The following STPG2 variants were observed in gnomAD, a reference collection of about 807,000 sequenced individuals.
The protein encoded by STPG2 is sperm-tail PG-rich repeat-containing protein 2.
Under a neutral mutation model 54.2 loss-of-function variants are expected in STPG2, and 56 were observed. The observed-to-expected ratio is 1.03, with a 90% CI of 0.83 to 1.29. The LOEUF (loss-of-function observed/expected upper bound fraction) is 1.29, where lower values mean the gene tolerates loss of function less well. Among genes scored for constraint, STPG2 ranks in the 50% most tolerant of loss-of-function variants. The probability of loss-of-function intolerance (pLI) is 0.00; values close to 1 mark genes in which losing one functional copy is unlikely to be tolerated. For missense variants in STPG2, 596 were observed against 544.9 expected (o/e 1.09, Z -0.93); for synonymous variants, 200 against 181.8 (o/e 1.10, Z -0.81).
rs1731220444 is a variant in STPG2 at position 97,523,349 on chromosome 4, C to T, written c.462+189350G>A. Among the ~76,000 whole-genome samples the T allele has an allele frequency of 2.6e-5, 4 of 151,872 alleles. No homozygotes were observed. In the South Asian group the frequency reaches 8.3e-4, roughly 32 times the overall value. On this transcript the variant is annotated intron_variant, in intron 4 of 4. Transcript: ENST00000522676. The stretch of plus-strand genomic sequence containing the variant: ...AAAAGAGAGGTCATATCTGCACATC[C>T]TAGGGTAGTTACAATGATTAAGTAT...
intron 8 of STPG2, among the ~76,000 whole-genome samples, chr4:97,844,394 G>A (rs1285391386): frequency 1.3e-5 from 2 of 151,952 alleles, no homozygotes; most frequent in African/African-American, 4.8e-5. Context: ...AATGGTAAAA[G>A]ATCCAGACAT....
intron 2 of STPG2, among the ~76,000 whole-genome samples, chr4:98,133,897 G>A (rs1398733374): frequency 1.3e-5 from 2 of 151,972 alleles, no homozygotes; most frequent in Non-Finnish European, 2.9e-5. Flanking sequence ...AAACATGAAT[G>A]AACCATTGAA....
intron 1 of STPG2, among the ~76,000 whole-genome samples, chr4:98,139,451 T>C (rs1740219781): frequency 6.6e-6 from 1 of 152,172 alleles, no homozygotes; most frequent in African/African-American, 2.4e-5. Flanking sequence ...CTACATCTGT[T>C]CTTCTCACAT....
At chr4:97,917,048 C>T (rs1377215630) in intron 8 of STPG2, 2 of 152,668 alleles carry the variant, frequency 1.3e-5, no homozygotes, top group African/African-American at 4.8e-5. Context: ...ATTCTTCAGC[C>T]ATACATTTAA....
intron 8 of STPG2, among the ~76,000 whole-genome samples, chr4:97,849,409 A>C (rs1179745177): frequency 6.6e-6 from 1 of 151,942 alleles, no homozygotes; most frequent in African/African-American, 2.4e-5. Context: ...CAAAAGCCAA[A>C]ATTGACAAAT....
chr4:97,834,741 C>T (rs1728580572), intron 9 of STPG2, among the ~76,000 whole-genome samples: 1 of 152,056 alleles, frequency 6.6e-6, no homozygotes, highest in African/African-American at 2.4e-5. Flanking sequence ...AACCAGTGAT[C>T]TCTGGCTGCT....
chr4:97,758,427 G>C (rs1302539367), intron 9 of STPG2, among the ~76,000 whole-genome samples: 1 of 152,174 alleles, frequency 6.6e-6, no homozygotes, highest in Non-Finnish European at 1.5e-5. Flanking sequence ...ATACACCATG[G>C]AATGCTATGC....
chr4:97,525,847 T>C (rs931725941), intron 4 of STPG2, among the ~76,000 whole-genome samples: 1 of 152,088 alleles, frequency 6.6e-6, no homozygotes, highest in African/African-American at 2.4e-5. Flanking sequence ...ATGAGCTTTT[T>C]TTCATGTTTG....
rs940572632 is a variant in STPG2 at position 97,509,945 on chromosome 4, C to A, written c.462+202754G>T. On this transcript the variant is annotated intron_variant, in intron 4 of 4. Coordinates refer to the STPG2 transcript ENST00000522676. Reference sequence around the variant, plus strand: ...TAAGAACAGAACACTCTACTAAGCACCCCCACCAACCCTCCCACCCCTAAT... The same window carrying A: ...TAAGAACAGAACACTCTACTAAGCAACCCCACCAACCCTCCCACCCCTAAT... 3.3e-5 allele frequency among the ~76,000 whole-genome samples: 5 copies of A among 151,962 alleles called. No homozygotes were observed. In the East Asian group the frequency reaches 5.8e-4, roughly 18 times the overall value.
At chr4:97,677,425 T>A (rs1722885520) in intron 10 of STPG2, among the ~76,000 whole-genome samples, 1 of 152,170 alleles carries the variant, frequency 6.6e-6, no homozygotes, top group Non-Finnish European at 1.5e-5. Context: ...TAAAGCCAGA[T>A]TTAATAGATG....
At position 97,882,703 on chromosome 4, in the gene STPG2, G is replaced by A. The variant is rs187515000; in HGVS notation, c.1045-41771C>T. The stretch of plus-strand genomic sequence containing the variant: ...CAATGAACAGCCACCCAAAACATAA[G>A]GTAATGATGAAAAAACATGAAACTA... On this transcript the variant is annotated intron_variant, in intron 8 of 10. Transcript: ENST00000295268. 7.2e-5 allele frequency among the ~76,000 whole-genome samples: 11 copies of A among 152,096 alleles called. No individual in the cohort carries two copies. In the East Asian group the frequency reaches 2.1e-3, roughly 29 times the overall value.
At chr4:98,103,058 T>C (rs1180830314) in intron 5 of STPG2, among the ~76,000 whole-genome samples, 1 of 151,792 alleles carries the variant, frequency 6.6e-6, no homozygotes, top group East Asian at 1.9e-4. Context: ...TCAATACCTT[T>C]CATTAACTAA....
At chr4:97,849,252 C>A (rs1729070907) in intron 8 of STPG2, among the ~76,000 whole-genome samples, 1 of 151,562 alleles carries the variant, frequency 6.6e-6, no homozygotes, top group Non-Finnish European at 1.5e-5. Context: ...ATTTTATTCT[C>A]TTTGAAGCAA....
intron 8 of STPG2, among the ~76,000 whole-genome samples, chr4:97,869,775 T>C (rs1729914328): frequency 6.6e-6 from 1 of 151,710 alleles, no homozygotes; most frequent in Non-Finnish European, 1.5e-5. Context: ...TAGTATTCAG[T>C]AATTTCCTGA....
At chr4:97,500,640 G>A (rs965650585) in intron 4 of STPG2, among the ~76,000 whole-genome samples, 2 of 152,058 alleles carry the variant, frequency 1.3e-5, no homozygotes, top group Admixed American at 1.3e-4. Flanking sequence ...AACTGAAAAT[G>A]GCTGGTCAGT....
At chr4:97,478,881 GT>G (rs1309969834) in intron 4 of STPG2, among the ~76,000 whole-genome samples, 3 of 124,046 alleles carry the variant, frequency 2.4e-5, no homozygotes, top group African/African-American at 1.1e-4. Flanking sequence ...ATATGTGTGT[GT>G]GTGTGTGTGT....
intron 1 of STPG2, among the ~76,000 whole-genome samples, chr4:98,135,120 T>C (rs959838288): frequency 6.6e-6 from 1 of 151,780 alleles, no homozygotes; most frequent in African/African-American, 2.4e-5. Flanking sequence ...AATGTGGATA[T>C]CAAAGAAGAG....
rs112715984 is a variant in STPG2 at position 97,539,609 on chromosome 4, C to T, written c.462+173090G>A. Among the ~76,000 whole-genome samples the T allele has an allele frequency of 9.0e-3, 1,368 of 152,194 alleles. 17 individuals carry two copies. The highest frequency in any genetic ancestry group is 0.031 in the African/African-American group (1,278 of 41,518). On this transcript the variant is annotated intron_variant, in intron 4 of 4. Transcript: ENST00000522676. ...AATAATAATGGGAGACGTTAACACC[C>T]CACTGTCAACATTAGACAGATCAAT...
At chr4:97,768,779 G>A (rs1440295090) in intron 9 of STPG2, among the ~76,000 whole-genome samples, 2 of 151,662 alleles carry the variant, frequency 1.3e-5, no homozygotes, top group Non-Finnish European at 2.9e-5. Flanking sequence ...TCAGCTCACT[G>A]CAATCTCCAC....
Sources: gnomAD v4.1 joint callset for allele counts (sites outside exome capture counted in the v4.1 genomes callset) on GRCh38, gnomAD v4.1.1 for gene constraint, MANE v1.5 for transcripts, NCBI Gene and HGNC (gene_info 2026-07-23, HGNC 2026-07-21) for gene names.